RAPGEF2: variants seen among roughly 807,000 people sequenced by gnomAD.
The protein encoded by RAPGEF2 is Rap guanine nucleotide exchange factor 2.
RAPGEF2 carries 54 observed loss-of-function variants against 186.7 expected under a neutral mutation model. The observed-to-expected ratio is 0.29, with a 90% confidence interval of 0.23 to 0.36. The LOEUF is 0.36. RAPGEF2 is among the 10% of genes least tolerant of loss of function. The pLI, the probability that RAPGEF2 is intolerant of heterozygous loss-of-function variation, is 1.00. For synonymous variants in RAPGEF2, 712 were observed against 705.9 expected, an observed-to-expected ratio of 1.01 and a Z score of -0.14; for missense variants, 1,532 against 2,045.0, an observed-to-expected ratio of 0.75 and a Z score of 4.84.
At chr4:159,158,731 C>T (rs867416935) in intron 1 of RAPGEF2, among the ~76,000 whole-genome samples, 9 of 152,144 alleles carry the variant, frequency 5.9e-5, no homozygotes, top group African/African-American at 1.9e-4. Flanking sequence ...TTAATTTATG[C>T]AATTTGCTCA....
At chr4:159,191,614 C>T (rs924762964) in intron 2 of RAPGEF2, among the ~76,000 whole-genome samples, 5 of 152,186 alleles carry the variant, frequency 3.3e-5, no homozygotes, top group South Asian at 2.1e-4. Flanking sequence ...TGGCGCGCAA[C>T]GATAGTCCCA....
At chr4:159,269,762 G>A (rs970674753) in intron 7 of RAPGEF2, among the ~76,000 whole-genome samples, 7 of 152,136 alleles carry the variant, frequency 4.6e-5, no homozygotes, top group African/African-American at 7.2e-5. Context: ...TATAATCCGA[G>A]CACTTTGAGA....
intron 16 of RAPGEF2, 78 bp downstream of exon 16, chr4:159,332,112 T>C: frequency 9.6e-6 from 9 of 942,262 alleles, no homozygotes; most frequent in South Asian, 5.0e-5. Flanking sequence ...AGAAAGCATA[T>C]ATGGTAAAAG....
rs193167695 is a variant in RAPGEF2 at position 159,312,916 on chromosome 4, G to T, written c.676-1675G>T. Among the ~76,000 whole-genome samples, 467 of 152,300 alleles carry T rather than the reference G, an allele frequency of 3.1e-3. 1 individual carries two copies. The highest frequency in any genetic ancestry group is 0.01 in the African/African-American group (434 of 41,572). ...TAATCACAGCACTTTGGTAGGCTGA[G>T]GTGGGCAGATCACTTGAGGCCAGGA... On this transcript the variant is annotated intron_variant, in intron 8 of 29. Transcript: ENST00000691494.
At chr4:159,341,541 T>C in intron 19 of RAPGEF2, 23 bp from the exon 20 acceptor site, 1 of 1,552,140 alleles carries the variant, frequency 6.4e-7, no homozygotes, top group Non-Finnish European at 8.7e-7. Context: ...GCTTTGACTC[T>C]GATATGTTTC....
intron 1 of RAPGEF2, among the ~76,000 whole-genome samples, chr4:159,138,124 G>T (rs1579284124): frequency 6.6e-6 from 1 of 152,280 alleles, no homozygotes; most frequent in South Asian, 2.1e-4. Flanking sequence ...CTCTAAGAAA[G>T]TATTGGGATG....
intron 1 of RAPGEF2, among the ~76,000 whole-genome samples, chr4:159,127,774 T>G (rs776299780): frequency 6.6e-6 from 1 of 152,238 alleles, no homozygotes; most frequent in Non-Finnish European, 1.5e-5. Context: ...TAGCTCAGTT[T>G]GGTGCAGTTT....
chr4:159,355,052 C>G (rs981360416), intron 28 of RAPGEF2, among the ~76,000 whole-genome samples: 1 of 152,152 alleles, frequency 6.6e-6, no homozygotes, highest in African/African-American at 2.4e-5. Context: ...AAGGAGAAAA[C>G]AGTTAATAAA....
chr4:159,186,425 ATTTTAGT>A (rs1168542659), intron 1 of RAPGEF2, among the ~76,000 whole-genome samples: 1 of 152,090 alleles, frequency 6.6e-6, no homozygotes, highest in African/African-American at 2.4e-5. Context: ...TTTATTTTAT[ATTTTAGT>A]AGGTTTAGTG....
rs947866248 is a variant in RAPGEF2 at position 159,103,190 on chromosome 4, C to T, written c.-973C>T. On this transcript the variant is annotated 5_prime_UTR_variant, in exon 1 of 30. Transcript: ENST00000691494. ...CTCCGAGGGGGCTGTGCGCGGCTCT[C>T]GGCTTTCGGCCCTCGGACGCCCGCG... 2 of 151,886 alleles carry T rather than the reference C, an allele frequency of 1.3e-5. No individual in the cohort carries two copies. Among genetic ancestry groups the T allele is most frequent in the African/African-American group, 4.8e-5 (2 of 41,426 alleles). 9.4% of individuals were successfully genotyped at this position (151,886 alleles called of 1,614,324 possible).
chr4:159,303,206 C>T (rs934488574), intron 7 of RAPGEF2, among the ~76,000 whole-genome samples: 1 of 152,080 alleles, frequency 6.6e-6, no homozygotes, highest in Admixed American at 6.6e-5. Context: ...TGATCATTGT[C>T]GTAAATCCAA....
intron 7 of RAPGEF2, among the ~76,000 whole-genome samples, chr4:159,268,696 A>G (rs910426483): frequency 1.3e-5 from 2 of 152,124 alleles, no homozygotes; most frequent in African/African-American, 4.8e-5. Flanking sequence ...CTTAACATGT[A>G]TTCATCACTT....
chr4:159,217,434 G>A (rs988605934), intron 4 of RAPGEF2, among the ~76,000 whole-genome samples: 6 of 152,140 alleles, frequency 3.9e-5, no homozygotes, highest in African/African-American at 1.2e-4. Context: ...CTTGGTTTTC[G>A]GTTTCTGTGT....
At position 159,104,054 on chromosome 4, in the gene RAPGEF2, C is replaced by CGCGGGCGG. The variant is rs899389699; in HGVS notation, c.-97_-90dup. 17 of 506,002 alleles carry CGCGGGCGG rather than the reference C, an allele frequency of 3.4e-5. No homozygotes were observed. Among genetic ancestry groups the CGCGGGCGG allele is most frequent in the African/African-American group, 1.3e-4 (6 of 47,880 alleles). 31.3% of individuals were successfully genotyped at this position (506,002 alleles called of 1,614,324 possible). On this transcript the variant is annotated 5_prime_UTR_variant, in exon 1 of 30. Coordinates refer to ENST00000691494, the MANE Select transcript of RAPGEF2 (RefSeq NM_001394067.2). ...CGCCGCCGCGGTTTGGCTGATTAGT[C>CGCGGGCGG]GCGGGCGGGCGGGCGGGCGCAGCGC...
intron 1 of RAPGEF2, among the ~76,000 whole-genome samples, chr4:159,165,060 ATTTTT>A (rs201053406): frequency 1.3e-5 from 2 of 150,562 alleles, no homozygotes; most frequent in Non-Finnish European, 3.0e-5. Context: ...TTCTTAAAGA[ATTTTT>A]TTTTTCTTTT....
Position 159,355,881 on chromosome 4 carries a change from C to CGCG in RAPGEF2, c.4680_4681insGCG (p.Pro1560_Pro1561insAla). 1 of 1,512,116 alleles carries CGCG rather than the reference C, an allele frequency of 6.6e-7. No homozygotes were observed. The highest frequency in any genetic ancestry group is 9.0e-7 in the Non-Finnish European group (1 of 1,114,178). The allele number at this position is 1,512,116 out of a possible 1,614,324, so 93.7% of individuals were successfully genotyped here. Reference sequence around the variant, plus strand: ...GAAAGGAGGGCAGGTATCGAGAGCCCCCGCCCACCCCTCCCGGCTACATTG... The same window carrying CGCG: ...GAAAGGAGGGCAGGTATCGAGAGCCCGCGCCGCCCACCCCTCCCGGCTACATTG... On this transcript the variant is annotated inframe_insertion, in exon 29 of 30. Coordinates refer to ENST00000691494, the MANE Select transcript of RAPGEF2 (RefSeq NM_001394067.2).
intron 7 of RAPGEF2, among the ~76,000 whole-genome samples, chr4:159,297,204 G>A (rs1173866981): frequency 6.6e-6 from 1 of 152,032 alleles, no homozygotes; most frequent in African/African-American, 2.4e-5. Context: ...CATAATATAG[G>A]AAAGTAGCAA....
At chr4:159,337,438 T>C (rs1258041804) in intron 17 of RAPGEF2, among the ~76,000 whole-genome samples, 1 of 152,242 alleles carries the variant, frequency 6.6e-6, no homozygotes, top group Non-Finnish European at 1.5e-5. Context: ...TAATTTATCA[T>C]TCTGATGCAG....
chr4:159,347,281 A>G (rs971320440), intron 25 of RAPGEF2, among the ~76,000 whole-genome samples: 1 of 152,220 alleles, frequency 6.6e-6, no homozygotes, highest in African/African-American at 2.4e-5. Context: ...TAAGCGCAGA[A>G]GATGCTTTGT....
Sources: gnomAD v4.1 joint callset for allele counts (sites outside exome capture counted in the v4.1 genomes callset) on GRCh38, gnomAD v4.1.1 for gene constraint, MANE v1.5 for transcripts, NCBI Gene and HGNC (gene_info 2026-07-23, HGNC 2026-07-21) for gene names.